BAIAP2L1: variants seen among roughly 807,000 people sequenced by gnomAD.
BAIAP2L1 encodes the protein BAR/IMD domain-containing adapter protein 2-like 1.
BAIAP2L1 carries 35 observed loss-of-function variants against 66.3 expected under a neutral mutation model. The observed-to-expected ratio is 0.53, with a 90% CI of 0.40 to 0.70. The LOEUF is 0.70. Ranked by LOEUF, BAIAP2L1 falls within the 30% of genes least tolerant of loss-of-function variation. BAIAP2L1 has a pLI of 0.00. For missense variants in BAIAP2L1, 622 were observed against 656.9 expected (o/e 0.95, Z 0.58); for synonymous variants, 269 against 248.7 (o/e 1.08, Z -0.77).
intron 12 of BAIAP2L1, 63 bp downstream of exon 12, chr7:98,304,133 T>A: frequency 6.8e-7 from 1 of 1,466,874 alleles, no homozygotes; most frequent in Admixed American, 2.5e-5. Context: ...CCACAGGACC[T>A]GCGCCTCCCA....
intron 7 of BAIAP2L1, among the ~76,000 whole-genome samples, chr7:98,314,263 G>A (rs2394852): frequency 0.38 from 57,570 of 151,884 alleles, 12,437 homozygotes; most frequent in Middle Eastern, 0.55. Flanking sequence ...GATTACAGGC[G>A]TGAGCCACCA....
In BAIAP2L1 at chr7:98,292,873, G is replaced by T. The variant is rs188329372; in HGVS notation, c.*648C>A. ...CTAACTACCAAGAAAAGGAGCTCTC[G>T]GAGGAGATTTCGTCGAGTGCTACGT... On this transcript the variant is annotated 3_prime_UTR_variant, in exon 14 of 14. Transcript: ENST00000005260. The T allele has an allele frequency of 1.4e-6, 2 of 1,445,418 alleles. No homozygotes were observed. Among genetic ancestry groups the T allele is most frequent in the Admixed American group, 5.4e-5 (2 of 36,752 alleles). The allele number at this position is 1,445,418 out of a possible 1,614,324, so 89.5% of individuals were successfully genotyped here.
intron 3 of BAIAP2L1, among the ~76,000 whole-genome samples, chr7:98,353,414 TATAA>T (rs1468368113): frequency 1.5e-5 from 2 of 137,496 alleles, no homozygotes; most frequent in African/African-American, 5.4e-5. Flanking sequence ...ATATATATAT[TATAA>T]ATATATTTAT....
At chr7:98,400,675 C>T (rs1803347364) in intron 1 of BAIAP2L1, 127 bp downstream of exon 1, 2 of 1,081,046 alleles carry the variant, frequency 1.9e-6, no homozygotes, top group East Asian at 2.8e-5. Flanking sequence ...TGGGAGAGAC[C>T]GGGAGAGGTG....
chr7:98,326,190 T>C (rs1801377895), intron 3 of BAIAP2L1, among the ~76,000 whole-genome samples: 1 of 151,976 alleles, frequency 6.6e-6, no homozygotes. Flanking sequence ...GGCAGGAGGA[T>C]CACTTGAGCC....
At chr7:98,331,465 C>CT (rs34202570) in intron 3 of BAIAP2L1, among the ~76,000 whole-genome samples, 26,208 of 115,194 alleles carry the variant, frequency 0.23, 3,387 homozygotes, top group East Asian at 0.46. Context: ...AAAGAAAAAT[C>CT]TTTTTTTTTT....
intron 1 of BAIAP2L1, among the ~76,000 whole-genome samples, chr7:98,382,014 C>T (rs1337535671): frequency 6.6e-6 from 1 of 151,650 alleles, no homozygotes; most frequent in Non-Finnish European, 1.5e-5. Context: ...CAAGTTCCAC[C>T]TCCTGAGTTC....
At chr7:98,363,194 C>T (rs929517848) in intron 1 of BAIAP2L1, among the ~76,000 whole-genome samples, 9 of 151,866 alleles carry the variant, frequency 5.9e-5, no homozygotes, top group African/African-American at 2.2e-4. Flanking sequence ...ACCACCACAC[C>T]CAGCTAATTT....
At chr7:98,323,156 C>G (rs1444626652) in intron 3 of BAIAP2L1, 1 of 152,236 alleles carries the variant, frequency 6.6e-6, no homozygotes, top group Non-Finnish European at 1.5e-5. Context: ...CAGAACGGGG[C>G]ATGAGAAAAC....
Position 98,320,098 on chromosome 7 carries a change from T to C in BAIAP2L1, c.308A>G (p.Glu103Gly). The C allele has an allele frequency of 2.5e-6, 4 of 1,613,410 alleles. No homozygotes were observed. Among genetic ancestry groups the C allele is most frequent in the Non-Finnish European group, 3.4e-6 (4 of 1,179,414 alleles). Residue 103 changes from glutamate to glycine, a missense_variant, in exon 5 of 14, where the codon GAG (glutamate) becomes GGG (glycine). By Grantham distance (98) the Glu-to-Gly change is moderately conservative. Coordinates refer to ENST00000005260, the MANE Select transcript of BAIAP2L1 (RefSeq NM_018842.5). ...GTCAAGTTCTATCTTCTTCTCCAGCTCATGGATAATCTCTTTGTGGAATTT... is the reference window on the plus strand; with the variant it reads ...GTCAAGTTCTATCTTCTTCTCCAGCCCATGGATAATCTCTTTGTGGAATTT... ...FKKFHKEIIH[E>G]LEKKIELDVK...
At chr7:98,293,742 G>A (rs1255266425) in intron 13 of BAIAP2L1, 146 bp from the exon 14 acceptor site, 2 of 767,200 alleles carry the variant, frequency 2.6e-6, no homozygotes, top group African/African-American at 1.7e-5. Context: ...CGTTTTCTGA[G>A]TGTGAAAGTT....
chr7:98,294,640 TC>T (rs1364690360), intron 12 of BAIAP2L1, among the ~76,000 whole-genome samples: 1 of 152,154 alleles, frequency 6.6e-6, no homozygotes, highest in Non-Finnish European at 1.5e-5. Context: ...CAAACAGAGA[TC>T]CCACAGGTCC....
chr7:98,371,317 GC>G (rs2115763597), intron 1 of BAIAP2L1, among the ~76,000 whole-genome samples: 1 of 152,160 alleles, frequency 6.6e-6, no homozygotes, highest in African/African-American at 2.4e-5. Context: ...CCAGGGAAGG[GC>G]ATGCATAGTT....
Position 98,318,859 on chromosome 7 carries a change from G to A in BAIAP2L1, c.348+1199C>T, listed in dbSNP as rs901900219. The stretch of plus-strand genomic sequence containing the variant: ...ATTGGGAGGCTGAGGTAGGAGAATC[G>A]CTGGAACCCAGGAGGCGGAGGTTGC... On this transcript the variant is annotated intron_variant, in intron 5 of 13. Transcript: ENST00000005260. 4.0e-5 allele frequency among the ~76,000 whole-genome samples: 6 copies of A among 150,696 alleles called. No homozygotes were observed. In the East Asian group the frequency reaches 8.0e-4, roughly 20 times the overall value.
chr7:98,310,265 C>T, intron 9 of BAIAP2L1, 180 bp downstream of exon 9: 1 of 577,806 alleles, frequency 1.7e-6, no homozygotes, highest in Non-Finnish European at 2.9e-6. Flanking sequence ...GAGCGTCTCA[C>T]AGTCTAGTCC....
At chr7:98,391,738 C>G (rs542178708) in intron 1 of BAIAP2L1, among the ~76,000 whole-genome samples, 52 of 148,820 alleles carry the variant, frequency 3.5e-4, no homozygotes, top group African/African-American at 1.2e-3. Context: ...ATCTAAAACT[C>G]AAGTCACTAA....
At chr7:98,399,074 G>A (rs190867488) in intron 1 of BAIAP2L1, among the ~76,000 whole-genome samples, 1 of 152,120 alleles carries the variant, frequency 6.6e-6, no homozygotes, top group Non-Finnish European at 1.5e-5. Context: ...TACACACTTG[G>A]TCAGTACCCC....
Position 98,312,126 on chromosome 7 carries a change from C to A in BAIAP2L1, c.778G>T (p.Ala260Ser), listed in dbSNP as rs1408655953. The change falls in exon 8 of 14, where the codon GCT becomes TCT. Residue 260 changes from alanine to serine, a missense_variant. Ala to Ser is a moderately conservative substitution (Grantham distance 99). Coordinates refer to ENST00000005260, the MANE Select transcript of BAIAP2L1 (RefSeq NM_018842.5). ...ASTPVSGTPQ[A>S]SPMIERSNVV... ...TTGCTTCTCTCGATCATGGGTGAAGCCTGAGGAGTTCCAGACACGGGGGTA... is the reference window on the plus strand; with the variant it reads ...TTGCTTCTCTCGATCATGGGTGAAGACTGAGGAGTTCCAGACACGGGGGTA... The A allele has an allele frequency of 6.2e-7, 1 of 1,612,770 alleles. No homozygotes were observed. Among genetic ancestry groups the A allele is most frequent in the Non-Finnish European group, 8.5e-7 (1 of 1,179,632 alleles).
At chr7:98,384,624 T>C (rs1158358180) in intron 1 of BAIAP2L1, among the ~76,000 whole-genome samples, 1 of 152,162 alleles carries the variant, frequency 6.6e-6, no homozygotes, top group Admixed American at 6.6e-5. Flanking sequence ...AATGCTACTT[T>C]TATAGTAGTA....
Sources: allele counts gnomAD v4.1 joint callset (sites outside exome capture counted in the v4.1 genomes callset), GRCh38; gene constraint gnomAD v4.1.1; transcripts MANE v1.5; gene names NCBI Gene and HGNC (gene_info 2026-07-23, HGNC 2026-07-21).